Variants in EEIG2 observed in about 807,000 individuals in gnomAD.
EEIG2 encodes family with sequence similarity 102 member B.
At chr1:108,566,808 A>G in the EEIG2 span, among the ~76,000 whole-genome samples, 4 of 152,170 alleles carry the variant, frequency 2.6e-5, no homozygotes, top group Non-Finnish European at 5.9e-5. Flanking sequence ...ATCATCTCAC[A>G]TATATGTGGG....
the EEIG2 span, chr1:108,628,680 C>T: frequency 1.2e-6 from 2 of 1,607,920 alleles, no homozygotes; most frequent in Non-Finnish European, 1.7e-6. Flanking sequence ...TTCAAAGATG[C>T]CCAGTGAAAC....
chr1:108,635,265 C>T, the EEIG2 span: 3 of 1,370,624 alleles, frequency 2.2e-6, no homozygotes, highest in East Asian at 2.3e-5. Context: ...AAGAGGAAAG[C>T]CAATGCTGGT....
At chr1:108,629,642 A>G in the EEIG2 span, 1 of 1,610,780 alleles carries the variant, frequency 6.2e-7, no homozygotes, top group African/African-American at 1.3e-5. Context: ...TTTGGCAGTC[A>G]TCATCTTCCA....
At chr1:108,610,747 G>A in the EEIG2 span, among the ~76,000 whole-genome samples, 2 of 152,094 alleles carry the variant, frequency 1.3e-5, no homozygotes, top group Admixed American at 6.5e-5. Context: ...TGGCCAACAC[G>A]GTGAAATCCC....
the EEIG2 span, among the ~76,000 whole-genome samples, chr1:108,579,304 AAC>A: frequency 1.7e-5 from 1 of 57,854 alleles, no homozygotes; most frequent in African/African-American, 5.2e-5. Context: ...TCTCTGATAA[AAC>A]AGACTTTAAA....
the EEIG2 span, among the ~76,000 whole-genome samples, chr1:108,607,933 C>G: frequency 6.6e-6 from 1 of 152,258 alleles, no homozygotes; most frequent in African/African-American, 2.4e-5. Flanking sequence ...AATAATCTTT[C>G]TAAAATTAAA....
chr1:108,587,995 A>G, the EEIG2 span, among the ~76,000 whole-genome samples: 2 of 152,154 alleles, frequency 1.3e-5, no homozygotes, highest in Non-Finnish European at 2.9e-5. Flanking sequence ...CACTTAGCAT[A>G]ATATCCTCCT....
At chr1:108,591,950 A>G in the EEIG2 span, among the ~76,000 whole-genome samples, 7 of 152,350 alleles carry the variant, frequency 4.6e-5, no homozygotes, top group African/African-American at 1.7e-4. Flanking sequence ...GGGTCAAGAG[A>G]TAAGACTAAA....
the EEIG2 span, among the ~76,000 whole-genome samples, chr1:108,611,034 T>C: frequency 3.3e-5 from 5 of 152,214 alleles, no homozygotes; most frequent in African/African-American, 7.2e-5. Flanking sequence ...GTCTGACTTA[T>C]TGCATTTGGG....
chr1:108,560,573 G>C, the EEIG2 span: 1 of 1,607,346 alleles, frequency 6.2e-7, no homozygotes. Flanking sequence ...CAGGTAACTC[G>C]CCTCCCGCGC....
chr1:108,617,154 C>T, the EEIG2 span, among the ~76,000 whole-genome samples: 2 of 151,896 alleles, frequency 1.3e-5, no homozygotes, highest in African/African-American at 4.8e-5. Flanking sequence ...AATGAAGAGG[C>T]GGGTGATAGG....
chr1:108,635,418 C>T, the EEIG2 span: 1 of 381,200 alleles, frequency 2.6e-6, no homozygotes, highest in Admixed American at 4.2e-5. Flanking sequence ...GAAAAGCCTG[C>T]TTTTTCTTTC....
At chr1:108,598,364 AT>A in the EEIG2 span, among the ~76,000 whole-genome samples, 98 of 135,772 alleles carry the variant, frequency 7.2e-4, no homozygotes, top group South Asian at 3.7e-3. Flanking sequence ...AAAAATCTGG[AT>A]TTTTTTTTTC....
At chr1:108,619,309 C>T in the EEIG2 span, among the ~76,000 whole-genome samples, 1 of 152,070 alleles carries the variant, frequency 6.6e-6, no homozygotes, top group African/African-American at 2.4e-5. Context: ...AAATATTTTT[C>T]AAGAGAATCA....
the EEIG2 span, among the ~76,000 whole-genome samples, chr1:108,574,611 C>G: frequency 3.3e-5 from 5 of 152,118 alleles, no homozygotes; most frequent in Non-Finnish European, 7.4e-5. Context: ...ATTAGCTGGG[C>G]GTGGTGGCAG....
the EEIG2 span, among the ~76,000 whole-genome samples, chr1:108,562,720 C>T: frequency 6.6e-6 from 1 of 152,064 alleles, no homozygotes; most frequent in African/African-American, 2.4e-5. Flanking sequence ...CCTTAGCACC[C>T]AGTTGGCATT....
chr1:108,607,947 T>C, the EEIG2 span, among the ~76,000 whole-genome samples: 1 of 152,210 alleles, frequency 6.6e-6, no homozygotes, highest in Non-Finnish European at 1.5e-5. Flanking sequence ...AATTAAAACA[T>C]GATCATATCG....
chr1:108,625,177 A>G, the EEIG2 span: 2 of 156,834 alleles, frequency 1.3e-5, no homozygotes, highest in African/African-American at 2.4e-5. Context: ...TGCTGGCGGC[A>G]GCAGCCAGAG....
the EEIG2 span, among the ~76,000 whole-genome samples, chr1:108,571,411 G>A: frequency 2.0e-5 from 3 of 152,050 alleles, no homozygotes; most frequent in South Asian, 2.1e-4. Flanking sequence ...AGAGTATGAG[G>A]GTTTGTTTAA....
Sources: allele counts gnomAD v4.1 joint callset (sites outside exome capture counted in the v4.1 genomes callset), GRCh38; gene constraint gnomAD v4.1.1; transcripts MANE v1.5; gene names NCBI Gene and HGNC (gene_info 2026-07-23, HGNC 2026-07-21).